VTI1A: variants seen among roughly 807,000 people sequenced by gnomAD.
VTI1A encodes the protein vesicle transport through interaction with t-SNAREs homolog 1A.
A neutral mutation model predicts 34.9 loss-of-function variants in VTI1A; 22 were observed. The observed-to-expected ratio is 0.63, with a 90% CI of 0.45 to 0.90. The LOEUF (loss-of-function observed/expected upper bound fraction) is 0.90. VTI1A is among the 40% of genes least tolerant of loss of function. VTI1A has a pLI of 0.00. For synonymous variants in VTI1A, 87 were observed against 97.3 expected (o/e 0.89, Z 0.62); for missense variants, 268 against 275.6 (o/e 0.97, Z 0.20).
chr10:112,820,041 G>C (rs935441004), downstream of VTI1A, among the ~76,000 whole-genome samples: 2 of 152,222 alleles, frequency 1.3e-5, no homozygotes, highest in African/African-American at 4.8e-5. Context: ...AGATGGTCCT[G>C]CAGGAGCCAC....
At chr10:112,846,437 T>C in the VTI1A span, among the ~76,000 whole-genome samples, 5 of 152,182 alleles carry the variant, frequency 3.3e-5, no homozygotes, top group Admixed American at 3.3e-4. Flanking sequence ...AACTAACTCG[T>C]GCTATGTAAT....
intron 3 of VTI1A, among the ~76,000 whole-genome samples, chr10:112,491,723 A>G (rs1848830923): frequency 6.6e-6 from 1 of 152,130 alleles, no homozygotes; most frequent in Non-Finnish European, 1.5e-5. Flanking sequence ...TTTTACACCT[A>G]CAGTAGATTT....
chr10:112,658,253 A>G (rs1847310270), intron 5 of VTI1A, among the ~76,000 whole-genome samples: 1 of 151,722 alleles, frequency 6.6e-6, no homozygotes, highest in South Asian at 2.1e-4. Flanking sequence ...ACGCCCAGCT[A>G]ATTTTTACTT....
At chr10:112,474,138 T>C (rs774812671) in intron 3 of VTI1A, among the ~76,000 whole-genome samples, 1 of 152,156 alleles carries the variant, frequency 6.6e-6, no homozygotes, top group Non-Finnish European at 1.5e-5. Context: ...CTCAGCTCAC[T>C]GCAAGCTCCG....
the VTI1A span, among the ~76,000 whole-genome samples, chr10:112,838,258 C>T: frequency 6.6e-6 from 1 of 152,168 alleles, no homozygotes; most frequent in African/African-American, 2.4e-5. Flanking sequence ...CCAGGGAGGG[C>T]CTGGGACAGA....
At chr10:112,697,866 A>ATGTGTGTGTG (rs67142519) in intron 7 of VTI1A, among the ~76,000 whole-genome samples, 42 of 134,928 alleles carry the variant, frequency 3.1e-4, no homozygotes, top group African/African-American at 5.4e-4. Context: ...TAGCATTTAC[A>ATGTGTGTGTG]TGTGTGTGTG....
intron 5 of VTI1A, among the ~76,000 whole-genome samples, chr10:112,562,068 T>C (rs1234689303): frequency 2.0e-5 from 3 of 152,144 alleles, no homozygotes; most frequent in Non-Finnish European, 2.9e-5. Context: ...GAACTTTCCT[T>C]CAGAAAAAAT....
chr10:112,576,019 C>CTTTTTT (rs760363890), intron 5 of VTI1A, among the ~76,000 whole-genome samples: 49 of 131,268 alleles, frequency 3.7e-4, no homozygotes, highest in East Asian at 6.5e-4. Flanking sequence ...CTTTTCTTTT[C>CTTTTTT]TTTTTTTTTT....
chr10:112,520,175 T>C (rs1052242118), intron 3 of VTI1A, among the ~76,000 whole-genome samples: 1 of 152,088 alleles, frequency 6.6e-6, no homozygotes, highest in East Asian at 1.9e-4. Flanking sequence ...CTTTAAAGGA[T>C]GAGATTTCCT....
intron 3 of VTI1A, among the ~76,000 whole-genome samples, chr10:112,506,787 G>A (rs1483363831): frequency 2.0e-5 from 3 of 152,026 alleles, no homozygotes; most frequent in Non-Finnish European, 2.9e-5. Flanking sequence ...AGTACCTCTG[G>A]GTAGTTCTGT....
At chr10:112,502,214 G>A (rs532165303) in intron 3 of VTI1A, among the ~76,000 whole-genome samples, 11 of 151,326 alleles carry the variant, frequency 7.3e-5, no homozygotes, top group Non-Finnish European at 2.9e-5. Flanking sequence ...CTAATTTTTT[G>A]TAGAGACGGG....
chr10:112,625,693 C>G (rs1346568439), intron 5 of VTI1A, among the ~76,000 whole-genome samples: 2 of 149,150 alleles, frequency 1.3e-5, no homozygotes, highest in Non-Finnish European at 3.0e-5. Flanking sequence ...TAAGTAGGAG[C>G]TAGGCTGTGA....
chr10:112,664,395 T>A lies in VTI1A; in HGVS notation c.428-3823T>A, dbSNP rs901354845. 3.5e-4 allele frequency among the ~76,000 whole-genome samples: 53 copies of A among 151,984 alleles called. 1 individual carries two copies. The highest frequency in any genetic ancestry group is 3.4e-3 in the Middle Eastern group (1 of 294). On this transcript the variant is annotated intron_variant, in intron 5 of 7. Transcript: ENST00000393077. ...AAATACAGGTCTTATAAATTTTTTT[T>A]AAAAAAAAGAGTTCATGTTAGTCCT...
intron 5 of VTI1A, among the ~76,000 whole-genome samples, chr10:112,609,515 T>G (rs1845211035): frequency 6.6e-6 from 1 of 152,240 alleles, no homozygotes; most frequent in Non-Finnish European, 1.5e-5. Context: ...CTAATACTTT[T>G]GAGTATAGTA....
intron 1 of VTI1A, chr10:112,450,360 C>A (rs1298625703): frequency 6.6e-6 from 1 of 152,078 alleles, no homozygotes; most frequent in East Asian, 1.9e-4. Context: ...TATATATAAC[C>A]ATGGCAAAAA....
intron 5 of VTI1A, among the ~76,000 whole-genome samples, chr10:112,574,100 C>G (rs1431389983): frequency 2.0e-5 from 3 of 152,070 alleles, no homozygotes; most frequent in Non-Finnish European, 2.9e-5. Context: ...ATTGTATACT[C>G]AAAATCATTG....
chr10:112,473,042 C>G (rs1167093285), intron 3 of VTI1A, among the ~76,000 whole-genome samples: 4 of 149,498 alleles, frequency 2.7e-5, no homozygotes, highest in African/African-American at 9.8e-5. Flanking sequence ...AATCTTCTCT[C>G]CCCTTCTCCC....
chr10:112,672,762 C>G (rs184576183), intron 7 of VTI1A: 1 of 151,990 alleles, frequency 6.6e-6, no homozygotes, highest in Non-Finnish European at 1.5e-5. Flanking sequence ...TTCAAACTGT[C>G]GGCAATCTGT....
chr10:112,522,537 A>C (rs1402519201), intron 3 of VTI1A, among the ~76,000 whole-genome samples: 4 of 152,122 alleles, frequency 2.6e-5, no homozygotes, highest in African/African-American at 7.2e-5. Context: ...AATTAGGCCA[A>C]AATCGAATGG....
Sources: gnomAD v4.1 joint callset for allele counts (sites outside exome capture counted in the v4.1 genomes callset) on GRCh38, gnomAD v4.1.1 for gene constraint, MANE v1.5 for transcripts, NCBI Gene and HGNC (gene_info 2026-07-23, HGNC 2026-07-21) for gene names.